ADAD2: variants seen among roughly 807,000 people sequenced by gnomAD.
The protein encoded by ADAD2 is adenosine deaminase domain-containing protein 2.
A neutral mutation model predicts 54.5 loss-of-function variants in ADAD2; 60 were observed. The ratio of observed to expected loss-of-function variants is 1.10; its 90% confidence interval spans 0.89 to 1.36. The LOEUF is 1.36. Ranked by LOEUF, ADAD2 falls within the 40% of genes most tolerant of loss-of-function variation. The pLI is 0.00. For missense variants in ADAD2, 1,103 were observed against 801.3 expected (o/e 1.38, Z -4.54); for synonymous variants, 543 against 366.2 (o/e 1.48, Z -5.51).
At position 84,194,449 on chromosome 16, in the gene ADAD2, C is replaced by CT. The variant is rs1216654522; in HGVS notation, c.428dup (p.Phe145LeufsTer19). The CT allele has an allele frequency of 6.2e-7, 1 of 1,605,078 alleles. No homozygotes were observed. Among genetic ancestry groups the CT allele is most frequent in the East Asian group, 2.2e-5 (1 of 44,856 alleles). On this transcript the variant is annotated frameshift_variant, in exon 2 of 10. Transcript: ENST00000315906. LOFTEE classifies it high-confidence loss of function. ...ACCTGGCTCCTTCCCCAGGTCCCTG[C>CT]TTCCCCTTCTCGGTGAGCGCGGAAC... is the stretch of plus-strand genomic sequence containing the variant.
In ADAD2 at chr16:84,194,188, A is replaced by G; in HGVS notation, c.419-254A>G. 1 of 1,585,946 alleles carries G rather than the reference A, an allele frequency of 6.3e-7. No individual in the cohort carries two copies. Among genetic ancestry groups the G allele is most frequent in the South Asian group, 1.1e-5 (1 of 88,046 alleles). On this transcript the variant is annotated intron_variant, in intron 1 of 9. Transcript: ENST00000315906. ...CCTGCCGTTTCTGCTCATCTGTGAA[A>G]TGGAGTCACGCATCCCTGCTGTGGA...
intron 1 of ADAD2, among the ~76,000 whole-genome samples, chr16:84,192,065 T>C (rs2089663661): frequency 1.3e-5 from 2 of 152,248 alleles, no homozygotes; most frequent in Non-Finnish European, 2.9e-5. Flanking sequence ...TAATACCGTG[T>C]ACATGATACA....
At position 84,191,273 on chromosome 16, in the gene ADAD2, A is replaced by AG. The variant is rs2089646209; in HGVS notation, c.45dup (p.Lys16GlufsTer148). 2 of 1,594,372 alleles carry AG rather than the reference A, an allele frequency of 1.3e-6. No individual in the cohort carries two copies. The highest frequency in any genetic ancestry group is 2.2e-5 in the South Asian group (2 of 89,712). ...GGGCGCTGACGACGACGGCAGTCGT[A>AG]GGAAGCCCCGCCTGGCTGCATCGTT... On this transcript the variant is annotated frameshift_variant, in exon 1 of 10. Transcript: ENST00000315906. LOFTEE classifies it high-confidence loss of function.
rs779684883 is a variant in ADAD2, at chr16:84,196,384, C to G, written c.1526+14C>G. 4 of 1,605,808 alleles carry G rather than the reference C, an allele frequency of 2.5e-6. No homozygotes were observed. The South Asian group carries it at 4.4e-5, about 18-fold the overall frequency. ...TGTGAAGGCCAAGTGAGAAGGGCCC[C>G]CTGGGGCCGGGCTGTGGAGCAGTGC... On this transcript the variant is annotated intron_variant, in intron 8 of 9. Transcript: ENST00000315906.
chr16:84,194,517 CG>C lies in ADAD2; in HGVS notation c.496del (p.Glu166ArgfsTer35), dbSNP rs1567612664. On this transcript the variant is annotated frameshift_variant, in exon 2 of 10. Transcript: ENST00000315906. LOFTEE classifies it high-confidence loss of function. ...CCTGCGGGCACTGCGAATAGCAAGA[CG>C]GAGGCCAAACAGCAGGCAGCGCTCT... ...VCPAGTANSK[T>X]EAKQQAALSA... 3 of 1,612,452 alleles carry C rather than the reference CG, an allele frequency of 1.9e-6. No homozygotes were observed. The Admixed American group carries it at 5.0e-5, about 27-fold the overall frequency.
Position 84,194,923 on chromosome 16 carries a change from C to A in ADAD2, c.560-10C>A. ...CACCCACACCAGCCCGCCCTCCTTG[C>A]CTCTTTCAGAGTCCCCCCAGACCTC... On this transcript the variant is annotated splice_polypyrimidine_tract_variant and intron_variant, in intron 2 of 9. Transcript: ENST00000315906. 6.2e-7 allele frequency: 1 copy of A among 1,601,988 alleles called. No homozygotes were observed. Among genetic ancestry groups the A allele is most frequent in the Admixed American group, 1.7e-5 (1 of 58,130 alleles).
Position 84,194,554 on chromosome 16 carries a change from C to A in ADAD2, c.531C>A (p.Cys177Ter). ...AGCAGGCAGCGCTCTCTGCCCTCTG[C>A]TACATCCGGAGTCAGCTGGAGAACC... The part of the protein sequence containing the change: ...AKQQAALSAL[C>*]YIRSQLENPE... Residue 177 changes from cysteine to a stop codon, truncating the protein, a stop_gained, in exon 2 of 10, where the codon TGC (cysteine) becomes TGA (stop). Transcript: ENST00000315906. LOFTEE classifies it high-confidence loss of function. 1 of 1,608,424 alleles carries A rather than the reference C, an allele frequency of 6.2e-7. No homozygotes were observed. The highest frequency in any genetic ancestry group is 1.7e-5 in the Admixed American group (1 of 59,290).
At chr16:84,191,847 C>G in intron 1 of ADAD2, 199 bp downstream of exon 1, 1 of 764,278 alleles carries the variant, frequency 1.3e-6, no homozygotes, top group Non-Finnish European at 2.2e-6. Flanking sequence ...GATCACCAGC[C>G]ACACCAGATG....
At chr16:84,193,561 G>A (rs1477151259) in intron 1 of ADAD2, 1 of 157,070 alleles carries the variant, frequency 6.4e-6, no homozygotes, top group African/African-American at 2.4e-5. Flanking sequence ...TGACTAGGGT[G>A]GCATCTACCA....
chr16:84,193,817 G>T, intron 1 of ADAD2: 1 of 576,852 alleles, frequency 1.7e-6, no homozygotes, highest in Admixed American at 3.1e-5. Context: ...AGATCTCAGC[G>T]CAGTGGGGAG....
In ADAD2 at chr16:84,193,995, C is replaced by G. The variant is rs759942759; in HGVS notation, c.419-447C>G. On this transcript the variant is annotated intron_variant, in intron 1 of 9. Coordinates refer to ENST00000315906, the MANE Select transcript of ADAD2 (RefSeq NM_001145400.2). ...GTTATAAGTAACACCCAAAATGATA[C>G]TGTTTCATAGGAAAAGTGTTCAAAT... 40 of 1,559,950 alleles carry G rather than the reference C, an allele frequency of 2.6e-5. 1 individual carries two copies. The East Asian group carries it at 7.9e-4, about 31-fold the overall frequency.
chr16:84,196,067 G>A (rs778652164), intron 7 of ADAD2, 23 bp downstream of exon 7: 4 of 1,599,340 alleles, frequency 2.5e-6, no homozygotes, highest in South Asian at 1.1e-5. Context: ...TGAGGGCTGG[G>A]GGGGTGAGAA....
In ADAD2 at chr16:84,196,777, C is replaced by T. The variant is rs780725961; in HGVS notation, c.1647+10C>T. On this transcript the variant is annotated intron_variant, in intron 9 of 9. Coordinates refer to ENST00000315906, the MANE Select transcript of ADAD2 (RefSeq NM_001145400.2). ...CTACGAGGCTGCCAAGGTTGGTTCC[C>T]CACCCTCCCCCCGTCCCGGTCCCTC... The T allele has an allele frequency of 4.4e-6, 7 of 1,605,316 alleles. No individual in the cohort carries two copies. In the East Asian group the frequency reaches 1.1e-4, roughly 26 times the overall value.
rs769891679 is a variant in ADAD2 at position 84,191,373 on chromosome 16, C to T, written c.143C>T (p.Ala48Val). 9 of 1,526,856 alleles carry T rather than the reference C, an allele frequency of 5.9e-6. No individual in the cohort carries two copies. The highest frequency in any genetic ancestry group is 4.8e-5 in the South Asian group (4 of 82,502). The allele number at this position is 1,526,856 out of a possible 1,614,324, so 94.6% of individuals were successfully genotyped here. Residue 48 changes from alanine to valine, a missense_variant, in exon 1 of 10, where the codon GCG becomes GTG. By Grantham distance (64) the Ala-to-Val change is moderately conservative. Transcript: ENST00000315906. Reference protein sequence around the residue: ...QAQSAWGPAPAPATYRAEGGW... With the variant: ...QAQSAWGPAPVPATYRAEGGW... ...CAAAGTGCCTGGGGGCCCGCGCCCGCGCCCGCGACGTATCGCGCGGAGGGC... is the reference window on the plus strand; with the variant it reads ...CAAAGTGCCTGGGGGCCCGCGCCCGTGCCCGCGACGTATCGCGCGGAGGGC...
Position 84,196,330 on chromosome 16 carries a change from A to G in ADAD2, c.1486A>G (p.Ile496Val). ...CAACTGGAGCCTGGGGGACCCTGGC[A>G]TCGAGGTTGTGGATGTGGCCACCGG... ...SLNWSLGDPG[I>V]EVVDVATGRV... Residue 496 changes from isoleucine (I) to valine (V), a missense_variant, in exon 8 of 10, where the codon ATC becomes GTC. Coordinates refer to ENST00000315906, the MANE Select transcript of ADAD2 (RefSeq NM_001145400.2). 6.2e-7 allele frequency: 1 copy of G among 1,612,856 alleles called. No homozygotes were observed. Among genetic ancestry groups the G allele is most frequent in the Non-Finnish European group, 8.5e-7 (1 of 1,179,928 alleles).
chr16:84,194,108 G>T lies in ADAD2; in HGVS notation c.419-334G>T, dbSNP rs571312243. 12 of 1,614,090 alleles carry T rather than the reference G, an allele frequency of 7.4e-6. No homozygotes were observed. In the Admixed American group the frequency reaches 1.3e-4, roughly 18 times the overall value. ...GCCTTCCTCCTGAGAACAGGGTGGC[G>T]TGGGCTCTGGAGAGGGGACCTGGAT... On this transcript the variant is annotated intron_variant, in intron 1 of 9. Coordinates refer to ENST00000315906, the MANE Select transcript of ADAD2 (RefSeq NM_001145400.2).
rs1364222448 is a variant in ADAD2 at position 84,191,554 on chromosome 16, C to T, written c.324C>T (p.Leu108=). ...CCCCAGCAGGGCTCAGCCTGCCGCT[C>T]AAAGACCCACCTGCCAGCCAGGCCG... is the stretch of plus-strand genomic sequence containing the variant. ...PVPPAGLSLP[L]KDPPASQAVS... Residue 108 remains leucine (L), a synonymous_variant, in exon 1 of 10, where the codon CTC becomes CTT. Coordinates refer to ENST00000315906, the MANE Select transcript of ADAD2 (RefSeq NM_001145400.2). 6.5e-7 allele frequency: 1 copy of T among 1,548,608 alleles called. No individual in the cohort carries two copies. Among genetic ancestry groups the T allele is most frequent in the East Asian group, 2.4e-5 (1 of 40,922 alleles).
Position 84,195,555 on chromosome 16 carries a change from GC to G in ADAD2, c.912del (p.Thr305HisfsTer72). On this transcript the variant is annotated frameshift_variant, in exon 6 of 10. Coordinates refer to ENST00000315906, the MANE Select transcript of ADAD2 (RefSeq NM_001145400.2). LOFTEE classifies it high-confidence loss of function. ...GTTCTTGTTCCGGCAGCTCCTGCTG[GC>G]CACACAGGGGGGCCCCAAGGGCAAG... ...LRFLFRQLLL[A>X]TQGGPKGKEQ... The G allele has an allele frequency of 1.3e-6, 2 of 1,598,530 alleles. No homozygotes were observed. The highest frequency in any genetic ancestry group is 1.7e-6 in the Non-Finnish European group (2 of 1,172,246).
chr16:84,191,542 C>T lies in ADAD2; in HGVS notation c.312C>T (p.Leu104=). The T allele has an allele frequency of 1.3e-6, 2 of 1,547,876 alleles. No individual in the cohort carries two copies. The highest frequency in any genetic ancestry group is 1.7e-6 in the Non-Finnish European group (2 of 1,146,742). The change falls in exon 1 of 10, where the codon CTC becomes CTT. Residue 104 remains leucine (L), a synonymous_variant. Transcript: ENST00000315906. ...APRVPVPPAG[L]SLPLKDPPAS... ...GGGTCCCTGTGCCCCCAGCAGGGCT[C>T]AGCCTGCCGCTCAAAGACCCACCTG...
Sources: gnomAD v4.1 joint callset for allele counts (sites outside exome capture counted in the v4.1 genomes callset) on GRCh38, gnomAD v4.1.1 for gene constraint, MANE v1.5 for transcripts, NCBI Gene and HGNC (gene_info 2026-07-23, HGNC 2026-07-21) for gene names.